DLG2: variants seen among roughly 807,000 people sequenced by gnomAD.
The protein encoded by DLG2 is discs large MAGUK scaffold protein 2.
In DLG2, 45 loss-of-function variants were observed where a neutral mutation model predicts 132.5. That is an observed-to-expected ratio of 0.34 (90% CI 0.27 to 0.44). DLG2 has a LOEUF of 0.44. Ranked by LOEUF, DLG2 falls within the 20% of genes least tolerant of loss-of-function variation. DLG2 has a pLI of 1.00. For missense variants in DLG2, 1,045 were observed against 1,196.9 expected (o/e 0.87, Z 1.87); for synonymous variants, 424 against 419.6 (o/e 1.01, Z -0.13).
intron 7 of DLG2, chr11:84,316,954 G>C: frequency 6.2e-7 from 1 of 1,612,714 alleles, no homozygotes; most frequent in Non-Finnish European, 8.5e-7. Context: ...TGGACCCCCC[G>C]GTCCTGTTTG....
intron 7 of DLG2, among the ~76,000 whole-genome samples, chr11:84,282,816 T>C (rs922530571): frequency 2.0e-5 from 3 of 152,216 alleles, no homozygotes; most frequent in Non-Finnish European, 4.4e-5. Flanking sequence ...TTCAGTCATT[T>C]TGCTTTGACA....
chr11:83,460,212 T>A (rs1246257302), intron 27 of DLG2, among the ~76,000 whole-genome samples: 1 of 152,204 alleles, frequency 6.6e-6, no homozygotes, highest in Non-Finnish European at 1.5e-5. Context: ...CTCATCTATT[T>A]AACCAATATT....
At chr11:85,294,829 A>G (rs2079121153) in intron 3 of DLG2, among the ~76,000 whole-genome samples, 1 of 152,160 alleles carries the variant, frequency 6.6e-6, no homozygotes. Flanking sequence ...AGAAATTGTT[A>G]TTTACAAGTT....
chr11:84,699,613 C>T (rs557596388), intron 6 of DLG2, among the ~76,000 whole-genome samples: 2 of 151,538 alleles, frequency 1.3e-5, no homozygotes, highest in Admixed American at 6.6e-5. Context: ...TGATGTCTTG[C>T]TTAGAATCTG....
rs920966275 is a variant in DLG2 at position 85,084,422 on chromosome 11, A to G, written c.357+27239T>C. On this transcript the variant is annotated intron_variant, in intron 6 of 27. Transcript: ENST00000376104. ...CTTTTACATTCTTAGTAAAATAGAA[A>G]GCATGAATTTCTGTTGAGAGCAAGA... Among the ~76,000 whole-genome samples, 32 of 152,216 alleles carry G rather than the reference A, an allele frequency of 2.1e-4. 1 individual carries two copies. Among genetic ancestry groups the G allele is most frequent in the Non-Finnish European group, 8.8e-5 (6 of 68,036 alleles).
At chr11:85,465,524 C>T (rs1018633973) in intron 3 of DLG2, among the ~76,000 whole-genome samples, 4 of 151,930 alleles carry the variant, frequency 2.6e-5, no homozygotes, top group African/African-American at 7.3e-5. Flanking sequence ...TCTCATTGTT[C>T]AATTCCCACC....
chr11:84,684,705 C>T (rs1262512302), intron 6 of DLG2, among the ~76,000 whole-genome samples: 1 of 152,158 alleles, frequency 6.6e-6, no homozygotes, highest in Non-Finnish European at 1.5e-5. Flanking sequence ...CAATACCCAC[C>T]TCTCAGAACT....
rs544708284 is a variant in DLG2 at position 84,996,002 on chromosome 11, T to C, written c.357+115659A>G. Among the ~76,000 whole-genome samples, 55 of 152,316 alleles carry C rather than the reference T, an allele frequency of 3.6e-4. No individual in the cohort carries two copies. In the South Asian group the frequency reaches 3.7e-3, roughly 10 times the overall value. On this transcript the variant is annotated intron_variant, in intron 6 of 27. Coordinates refer to ENST00000376104, the MANE Select transcript of DLG2 (RefSeq NM_001142699.3). ...ATTGACCAGCTCAGCTGACTGATCA[T>C]CTCTTCGCATCTTCTATTTCTGTCA... is the stretch of plus-strand genomic sequence containing the variant.
At chr11:83,724,838 A>G (rs766829957) in intron 18 of DLG2, 15 of 702,282 alleles carry the variant, frequency 2.1e-5, no homozygotes, top group Admixed American at 6.0e-5. Context: ...GGTCTGAGAA[A>G]AGCAGCATGA....
intron 6 of DLG2, among the ~76,000 whole-genome samples, chr11:84,947,779 C>A (rs551632033): frequency 2.0e-5 from 3 of 152,154 alleles, no homozygotes; most frequent in Non-Finnish European, 4.4e-5. Context: ...AGGGTTAGTT[C>A]TGGGTTTTGC....
chr11:85,530,721 C>T lies in DLG2; in HGVS notation c.40+67936G>A, dbSNP rs578213627. Among the ~76,000 whole-genome samples, 4 of 152,278 alleles carry T rather than the reference C, an allele frequency of 2.6e-5. No individual in the cohort carries two copies. In the East Asian group the frequency reaches 7.7e-4, roughly 29 times the overall value. On this transcript the variant is annotated intron_variant, in intron 3 of 27. Transcript: ENST00000376104. ...CCAGGTACTAAGACAATAAGGTTTG[C>T]TTTGGTTCTGCTTTGTTTTGGCTAC... is the stretch of plus-strand genomic sequence containing the variant.
chr11:84,893,395 G>T (rs2089723196), intron 6 of DLG2, among the ~76,000 whole-genome samples: 1 of 152,182 alleles, frequency 6.6e-6, no homozygotes, highest in Non-Finnish European at 1.5e-5. Context: ...GGTTTCAAAT[G>T]GTGTGGCTTA....
intron 6 of DLG2, among the ~76,000 whole-genome samples, chr11:84,801,618 A>G (rs1041903622): frequency 1.3e-5 from 2 of 152,202 alleles, no homozygotes; most frequent in South Asian, 2.1e-4. Flanking sequence ...ACTGTGAGAT[A>G]ATTGACCGTG....
At chr11:84,182,495 C>T (rs933584792) in intron 8 of DLG2, among the ~76,000 whole-genome samples, 89 of 149,986 alleles carry the variant, frequency 5.9e-4, no homozygotes, top group African/African-American at 2.1e-3. Flanking sequence ...TGCTACTGCA[C>T]TCAAGCCTGG....
chr11:84,678,645 T>C (rs1476087775), intron 6 of DLG2, among the ~76,000 whole-genome samples: 3 of 152,076 alleles, frequency 2.0e-5, no homozygotes, highest in Non-Finnish European at 4.4e-5. Context: ...TAATGATCAC[T>C]GAAAAGTTTG....
intron 11 of DLG2, among the ~76,000 whole-genome samples, chr11:83,983,438 T>C (rs1016367542): frequency 6.6e-6 from 1 of 152,128 alleles, no homozygotes; most frequent in Middle Eastern, 3.4e-3. Flanking sequence ...AAAAAATACT[T>C]AAAAATATTA....
intron 6 of DLG2, among the ~76,000 whole-genome samples, chr11:84,681,650 G>A (rs1259170017): frequency 2.6e-5 from 4 of 151,974 alleles, no homozygotes; most frequent in African/African-American, 7.3e-5. Context: ...TCTGCAGGTG[G>A]GAATCTGCAG....
intron 6 of DLG2, among the ~76,000 whole-genome samples, chr11:85,082,886 C>A (rs1188101094): frequency 6.6e-6 from 1 of 151,690 alleles, no homozygotes; most frequent in African/African-American, 2.4e-5. Flanking sequence ...AACAACAAAA[C>A]AATACAATTA....
At position 83,519,411 on chromosome 11, in the gene DLG2, T is replaced by C. The variant is rs572332325; in HGVS notation, c.2193+13297A>G. ...ATGGTGTTTAATTTGTAAATTTATT[T>C]GAACATGATAGATGATATAAGAGCT... On this transcript the variant is annotated intron_variant, in intron 21 of 27. Coordinates refer to ENST00000376104, the MANE Select transcript of DLG2 (RefSeq NM_001142699.3). Among the ~76,000 whole-genome samples the C allele has an allele frequency of 2.6e-5, 4 of 152,360 alleles. No homozygotes were observed. In the East Asian group the frequency reaches 7.7e-4, roughly 29 times the overall value.
Sources: gnomAD v4.1 joint callset for allele counts (sites outside exome capture counted in the v4.1 genomes callset) on GRCh38, gnomAD v4.1.1 for gene constraint, MANE v1.5 for transcripts, NCBI Gene and HGNC (gene_info 2026-07-23, HGNC 2026-07-21) for gene names.